The following DAB1 variants were observed in gnomAD, a reference collection of about 807,000 sequenced individuals.
The protein encoded by DAB1 is disabled homolog 1.
A neutral mutation model predicts 64.6 loss-of-function variants in DAB1; 15 were observed. That is an observed-to-expected ratio of 0.23 (90% confidence interval 0.16 to 0.36). The LOEUF (loss-of-function observed/expected upper bound fraction) is 0.36, where lower values mean the gene tolerates loss of function less well. DAB1 is among the 10% of genes least tolerant of loss of function. DAB1 has a pLI of 1.00. For synonymous variants in DAB1, 235 were observed against 251.9 expected, an observed-to-expected ratio of 0.93 and a Z score of 0.64; for missense variants, 596 against 706.7, an observed-to-expected ratio of 0.84 and a Z score of 1.78.
intron 5 of DAB1, among the ~76,000 whole-genome samples, chr1:57,951,252 G>T (rs887322132): frequency 6.9e-6 from 1 of 145,762 alleles, no homozygotes; most frequent in African/African-American, 2.5e-5. Context: ...ATAGACATTG[G>T]GGGGTGAGGG....
chr1:57,690,650 G>A (rs1286029035), intron 6 of DAB1, among the ~76,000 whole-genome samples: 1 of 152,056 alleles, frequency 6.6e-6, no homozygotes, highest in Non-Finnish European at 1.5e-5. Flanking sequence ...GACTAATATA[G>A]GTATATACCC....
At chr1:57,832,279 A>G (rs1166279978) in intron 1 of DAB1, among the ~76,000 whole-genome samples, 1 of 152,182 alleles carries the variant, frequency 6.6e-6, no homozygotes, top group Non-Finnish European at 1.5e-5. Flanking sequence ...ACTTTTGGAG[A>G]TACTTCCTAT....
intron 4 of DAB1, among the ~76,000 whole-genome samples, chr1:58,263,683 G>A (rs1223518288): frequency 1.3e-5 from 2 of 152,160 alleles, no homozygotes; most frequent in African/African-American, 2.4e-5. Context: ...ATGTCAATAA[G>A]TATATCTTAA....
chr1:57,938,437 G>C (rs1206730550), intron 5 of DAB1, among the ~76,000 whole-genome samples: 1 of 152,038 alleles, frequency 6.6e-6, no homozygotes, highest in Non-Finnish European at 1.5e-5. Context: ...TTGGATCATG[G>C]GGGCAGTTCC....
At chr1:57,182,559 C>T (rs1254033858) in intron 2 of DAB1, among the ~76,000 whole-genome samples, 1 of 152,178 alleles carries the variant, frequency 6.6e-6, no homozygotes, top group Non-Finnish European at 1.5e-5. Context: ...AAAGACTTAT[C>T]TCCTACCCTA....
At chr1:57,801,359 G>T (rs1218924476) in intron 6 of DAB1, among the ~76,000 whole-genome samples, 1 of 152,196 alleles carries the variant, frequency 6.6e-6, no homozygotes, top group Non-Finnish European at 1.5e-5. Context: ...GAAGATGCCA[G>T]GTTCAATTGG....
intron 7 of DAB1, among the ~76,000 whole-genome samples, chr1:57,534,097 C>G (rs375730803): frequency 5.9e-5 from 9 of 152,154 alleles, no homozygotes; most frequent in African/African-American, 2.2e-4. Flanking sequence ...ATGGTCAAAC[C>G]ATTCATTCTG....
At chr1:57,380,975 A>G (rs1458779497) in intron 1 of DAB1, among the ~76,000 whole-genome samples, 2 of 152,148 alleles carry the variant, frequency 1.3e-5, no homozygotes, top group Admixed American at 1.3e-4. Context: ...CTTATATTCC[A>G]TCCCTATCCT....
At chr1:58,482,634 T>C (rs1288354508) in intron 3 of DAB1, among the ~76,000 whole-genome samples, 1 of 152,082 alleles carries the variant, frequency 6.6e-6, no homozygotes, top group Non-Finnish European at 1.5e-5. Context: ...GGTAAAATCT[T>C]AGAAAGACTA....
At chr1:57,221,585 G>A (rs1375204199) in intron 2 of DAB1, among the ~76,000 whole-genome samples, 1 of 152,144 alleles carries the variant, frequency 6.6e-6, no homozygotes, top group East Asian at 1.9e-4. Flanking sequence ...TATGGGGCTT[G>A]GATGCATGAC....
intron 5 of DAB1, among the ~76,000 whole-genome samples, chr1:58,130,328 T>C (rs1438334168): frequency 4.1e-5 from 6 of 145,764 alleles, no homozygotes; most frequent in Non-Finnish European, 1.5e-5. Flanking sequence ...TCCTCCATCC[T>C]TTTATTTTGA....
chr1:57,014,764 T>C (rs1570498967), intron 12 of DAB1, 119 bp downstream of exon 12: 1 of 742,984 alleles, frequency 1.3e-6, no homozygotes, highest in East Asian at 2.8e-5. Context: ...GTAATAATAA[T>C]ATAAACAAAG....
At chr1:57,738,314 G>A (rs3118036) in intron 6 of DAB1, among the ~76,000 whole-genome samples, 51,182 of 152,072 alleles carry the variant, frequency 0.34, 9,507 homozygotes, top group African/African-American at 0.49. Context: ...TAAATTATAA[G>A]TCAATTCATG....
intron 1 of DAB1, among the ~76,000 whole-genome samples, chr1:57,835,398 A>G (rs1424871583): frequency 6.6e-6 from 1 of 152,188 alleles, no homozygotes; most frequent in Non-Finnish European, 1.5e-5. Context: ...TGAAAAATTG[A>G]ACACTTTTTC....
At chr1:58,455,963 C>T (rs1645189625) in intron 3 of DAB1, among the ~76,000 whole-genome samples, 1 of 152,224 alleles carries the variant, frequency 6.6e-6, no homozygotes, top group Non-Finnish European at 1.5e-5. Flanking sequence ...CAGAGCAGGG[C>T]CCTGGCTCTA....
chr1:58,073,517 A>T (rs1649404389), intron 5 of DAB1, among the ~76,000 whole-genome samples: 1 of 152,206 alleles, frequency 6.6e-6, no homozygotes, highest in South Asian at 2.1e-4. Flanking sequence ...TTTAAGCCTA[A>T]GACTATGTCT....
intron 7 of DAB1, among the ~76,000 whole-genome samples, chr1:57,468,314 G>C (rs1386817320): frequency 6.6e-6 from 1 of 152,178 alleles, no homozygotes; most frequent in Non-Finnish European, 1.5e-5. Flanking sequence ...AACTTCGAGA[G>C]AGAATTCTAG....
At chr1:58,530,806 G>A (rs952464415) in intron 1 of DAB1, 5 of 770,990 alleles carry the variant, frequency 6.5e-6, no homozygotes, top group Non-Finnish European at 1.1e-5. Flanking sequence ...AGTTCATCAT[G>A]TGTTACAATT....
chr1:57,197,711 T>C lies in DAB1; in HGVS notation c.68-52282A>G, dbSNP rs969227643. 1.7e-4 allele frequency among the ~76,000 whole-genome samples: 26 copies of C among 152,194 alleles called. 1 individual carries two copies. The highest frequency in any genetic ancestry group is 6.5e-5 in the Admixed American group (1 of 15,282). Reference sequence around the variant, plus strand: ...CCCTTTGAATATGTTCTTCTTCTCCTCACCCCAAGTCAGTAAGTTCCATTA... The same window carrying C: ...CCCTTTGAATATGTTCTTCTTCTCCCCACCCCAAGTCAGTAAGTTCCATTA... On this transcript the variant is annotated intron_variant, in intron 2 of 14. Transcript: ENST00000371236.
Sources: gnomAD v4.1 joint callset for allele counts (sites outside exome capture counted in the v4.1 genomes callset) on GRCh38, gnomAD v4.1.1 for gene constraint, MANE v1.5 for transcripts, NCBI Gene and HGNC (gene_info 2026-07-23, HGNC 2026-07-21) for gene names.